LAMA2: variants seen among roughly 807,000 people sequenced by gnomAD.
The protein encoded by LAMA2 is laminin subunit alpha 2, also known as laminin subunit alpha-2.
LAMA2 carries 269 observed loss-of-function variants against 364.8 expected under a neutral mutation model. That is an observed-to-expected ratio of 0.74 (90% CI 0.67 to 0.82). LAMA2 has a LOEUF of 0.82. Ranked by LOEUF, LAMA2 falls within the 40% of genes least tolerant of loss-of-function variation. LAMA2 has a pLI of 0.00. For synonymous variants in LAMA2, 1,379 were observed against 1,370.6 expected (o/e 1.01, Z -0.14); for missense variants, 3,807 against 3,873.2 (o/e 0.98, Z 0.45).
At chr6:129,293,386 C>G (rs1789853869) in intron 20 of LAMA2, among the ~76,000 whole-genome samples, 1 of 152,092 alleles carries the variant, frequency 6.6e-6, no homozygotes, top group Non-Finnish European at 1.5e-5. Flanking sequence ...TTCAGGCAAC[C>G]TTTGGGGAAA....
intron 1 of LAMA2, among the ~76,000 whole-genome samples, chr6:128,982,545 A>G (rs558496644): frequency 6.6e-6 from 1 of 152,214 alleles, no homozygotes; most frequent in South Asian, 2.1e-4. Flanking sequence ...AAAATTGTAT[A>G]TCACTGTTGT....
chr6:129,139,573 A>G (rs941156865), intron 4 of LAMA2, among the ~76,000 whole-genome samples: 2 of 152,114 alleles, frequency 1.3e-5, no homozygotes, highest in Non-Finnish European at 2.9e-5. Flanking sequence ...TTTGATATCC[A>G]CAGGAGGTCC....
chr6:129,480,756 A>G (rs181363679), intron 54 of LAMA2, among the ~76,000 whole-genome samples: 282 of 152,256 alleles, frequency 1.9e-3, no homozygotes, highest in Non-Finnish European at 3.2e-3. Context: ...TGTTTGTTTT[A>G]TTTATTTTTA....
At chr6:128,951,634 T>C (rs1173472110) in intron 1 of LAMA2, among the ~76,000 whole-genome samples, 2 of 152,166 alleles carry the variant, frequency 1.3e-5, no homozygotes, top group Non-Finnish European at 2.9e-5. Context: ...TTAATGACTG[T>C]AGAATAAATT....
chr6:128,897,245 T>G (rs946474070), intron 1 of LAMA2, among the ~76,000 whole-genome samples: 5 of 152,224 alleles, frequency 3.3e-5, no homozygotes, highest in African/African-American at 1.2e-4. Flanking sequence ...TTTGTGAGAT[T>G]TCCTATGAAA....
At chr6:129,064,725 A>G (rs1471501561) in intron 3 of LAMA2, among the ~76,000 whole-genome samples, 1 of 152,206 alleles carries the variant, frequency 6.6e-6, no homozygotes, top group East Asian at 1.9e-4. Context: ...GAAGAAATAG[A>G]TAACATGAGC....
chr6:128,921,010 C>T (rs937528517), intron 1 of LAMA2, among the ~76,000 whole-genome samples: 2 of 152,162 alleles, frequency 1.3e-5, no homozygotes, highest in East Asian at 3.9e-4. Flanking sequence ...CCTGTCTTTG[C>T]ACTATTGCTT....
intron 3 of LAMA2, among the ~76,000 whole-genome samples, chr6:129,067,370 A>G (rs544332800): frequency 6.6e-6 from 1 of 152,212 alleles, no homozygotes; most frequent in African/African-American, 2.4e-5. Context: ...ATTAGAAAAT[A>G]TATTTTCCCT....
At chr6:129,150,711 A>T (rs766486608) in intron 7 of LAMA2, among the ~76,000 whole-genome samples, 5 of 152,166 alleles carry the variant, frequency 3.3e-5, no homozygotes, top group African/African-American at 9.7e-5. Context: ...CTGAAAAACA[A>T]ACATTTTAAA....
rs545119074 is a variant in LAMA2, at chr6:128,984,982, A to G, written c.113-64936A>G. 2.6e-5 allele frequency among the ~76,000 whole-genome samples: 4 copies of G among 152,316 alleles called. No homozygotes were observed. The East Asian group carries it at 7.7e-4, about 29-fold the overall frequency. ...ATTTTCTACTAATTAGTTACTTGGT[A>G]TGTCTAAGATACGTTATTTTTATTA... is the stretch of plus-strand genomic sequence containing the variant. On this transcript the variant is annotated intron_variant, in intron 1 of 64. Coordinates refer to ENST00000421865, the MANE Select transcript of LAMA2 (RefSeq NM_000426.4).
chr6:129,162,945 T>C (rs1016065595), intron 8 of LAMA2, among the ~76,000 whole-genome samples: 1 of 152,152 alleles, frequency 6.6e-6, no homozygotes, highest in African/African-American at 2.4e-5. Context: ...TGGCTTATTT[T>C]ACTATCTGGC....
intron 33 of LAMA2, among the ~76,000 whole-genome samples, chr6:129,368,271 C>T (rs1242153391): frequency 6.6e-6 from 1 of 152,136 alleles, no homozygotes; most frequent in Non-Finnish European, 1.5e-5. Context: ...CGTGTGAGGA[C>T]ACAGGGAGAA....
intron 3 of LAMA2, among the ~76,000 whole-genome samples, chr6:129,069,993 C>G (rs151126557): frequency 1.2e-4 from 18 of 151,876 alleles, no homozygotes; most frequent in Non-Finnish European, 2.2e-4. Flanking sequence ...TCCAATATTA[C>G]CCATATCTCT....
intron 8 of LAMA2, among the ~76,000 whole-genome samples, chr6:129,156,004 T>C (rs1018277407): frequency 1.3e-5 from 2 of 151,900 alleles, no homozygotes; most frequent in South Asian, 4.1e-4. Context: ...TAGGAATACA[T>C]TGAAGATATT....
At chr6:129,360,322 C>G (rs1385973124) in intron 32 of LAMA2, among the ~76,000 whole-genome samples, 1 of 152,102 alleles carries the variant, frequency 6.6e-6, no homozygotes, top group Non-Finnish European at 1.5e-5. Context: ...AATTTGCATT[C>G]CATTTCCAAT....
In LAMA2 at chr6:129,267,834, A is replaced by T. The variant is rs1312851499; in HGVS notation, c.2322+615A>T. 3.3e-5 allele frequency among the ~76,000 whole-genome samples: 5 copies of T among 152,270 alleles called. No homozygotes were observed. The East Asian group carries it at 9.6e-4, about 29-fold the overall frequency. On this transcript the variant is annotated intron_variant, in intron 16 of 64. Coordinates refer to ENST00000421865, the MANE Select transcript of LAMA2 (RefSeq NM_000426.4). ...GTGCAAAGCACTTTCCATCCTGCTA[A>T]GAAACCTTAGGATTGGAGAATTACA...
chr6:129,509,429 A>T (rs1202388592), intron 62 of LAMA2, among the ~76,000 whole-genome samples: 2 of 152,290 alleles, frequency 1.3e-5, no homozygotes, highest in East Asian at 3.9e-4. Context: ...GTCTTTGCCC[A>T]TTTCAATGTC....
chr6:129,141,114 T>C (rs1447834880), intron 4 of LAMA2, among the ~76,000 whole-genome samples: 1 of 152,074 alleles, frequency 6.6e-6, no homozygotes, highest in East Asian at 1.9e-4. Context: ...CTCCTTTCTT[T>C]CAAGTAGTAT....
Position 128,929,105 on chromosome 6 carries a change from G to A in LAMA2, c.112+45748G>A, listed in dbSNP as rs199722462. On this transcript the variant is annotated intron_variant, in intron 1 of 64. Transcript: ENST00000421865. Reference sequence around the variant, plus strand: ...AATCCACACTGTGGACCGCAGCAGCGTTTTCCCGTACAGATCCAAAAACTC... The same window carrying A: ...AATCCACACTGTGGACCGCAGCAGCATTTTCCCGTACAGATCCAAAAACTC... 98 of 1,454,286 alleles carry A rather than the reference G, an allele frequency of 6.7e-5. No homozygotes were observed. In the East Asian group the frequency reaches 1.7e-3, roughly 25 times the overall value. 90.1% of individuals were successfully genotyped at this position (1,454,286 alleles called of 1,614,324 possible). A position where few individuals can be genotyped will look rare whatever the true frequency, so the allele number is the denominator to read the frequency against.
Sources: gnomAD v4.1 joint callset for allele counts (sites outside exome capture counted in the v4.1 genomes callset) on GRCh38, gnomAD v4.1.1 for gene constraint, MANE v1.5 for transcripts, NCBI Gene and HGNC (gene_info 2026-07-23, HGNC 2026-07-21) for gene names.